The following COQ2 variants were observed in gnomAD, a reference collection of about 807,000 sequenced individuals.
COQ2 encodes the protein coenzyme Q2, polyprenyltransferase.
A neutral mutation model predicts 35.7 loss-of-function variants in COQ2; 25 were observed. The ratio of observed to expected loss-of-function variants is 0.70; its 90% confidence interval spans 0.51 to 0.98. The LOEUF is 0.98. COQ2 is among the 50% of genes least tolerant of loss of function. COQ2 has a pLI of 0.00. For missense variants in COQ2, 488 were observed against 473.5 expected, an observed-to-expected ratio of 1.03 and a Z score of -0.28; for synonymous variants, 206 against 186.2, an observed-to-expected ratio of 1.11 and a Z score of -0.86.
intron 1 of COQ2, chr4:83,283,977 A>C (rs1735388890): frequency 5.1e-6 from 5 of 985,468 alleles, no homozygotes; most frequent in Non-Finnish European, 4.8e-6. Context: ...TGCAGGTAAA[A>C]GAGCTCCGAC....
In COQ2 at chr4:83,284,634, T is replaced by C. The variant is rs1190778930; in HGVS notation, c.131A>G (p.Gln44Arg). Reference protein sequence around the residue: ...AAGAPHGGDLQPPACPEPRGR... With the variant: ...AAGAPHGGDLRPPACPEPRGR... ...GCGCGGCTCGGGACAGGCGGGGGGC[T>C]GCAAGTCACCACCGTGGGGCGCGCC... Residue 44 changes from glutamine (Q) to arginine (R), a missense_variant, in exon 1 of 7, where the codon CAG (glutamine) becomes CGG (arginine). Physicochemically the swap from Gln to Arg is conservative, Grantham distance 43. Transcript: ENST00000647002. 6.6e-7 allele frequency: 1 copy of C among 1,506,900 alleles called. No individual in the cohort carries two copies. The highest frequency in any genetic ancestry group is 1.3e-5 in the South Asian group (1 of 79,936). The allele number at this position is 1,506,900 out of a possible 1,614,324, so 93.3% of individuals were successfully genotyped here.
At chr4:83,275,294 T>C (rs1343376339) in intron 2 of COQ2, among the ~76,000 whole-genome samples, 1 of 152,220 alleles carries the variant, frequency 6.6e-6, no homozygotes, top group Non-Finnish European at 1.5e-5. Flanking sequence ...TTTATTTCAG[T>C]TGACTTTTTT....
Position 83,264,416 on chromosome 4 carries a change from A to C in COQ2, c.952-53T>G, listed in dbSNP as rs576284346. On this transcript the variant is annotated intron_variant, in intron 6 of 6. Coordinates refer to ENST00000647002, the MANE Select transcript of COQ2 (RefSeq NM_001358921.2). ...TAATACCTAGTCTGGACTTTGGGTC[A>C]TAACAAATAAACATGTTAACACGGA... is the stretch of plus-strand genomic sequence containing the variant. 4.3e-5 allele frequency: 65 copies of C among 1,518,564 alleles called. No individual in the cohort carries two copies. The African/African-American group carries it at 8.6e-4, about 20-fold the overall frequency. The allele number at this position is 1,518,564 out of a possible 1,614,324, so 94.1% of individuals were successfully genotyped here.
At chr4:83,279,860 C>CAT (rs1553916858) in intron 1 of COQ2, among the ~76,000 whole-genome samples, 2 of 130,184 alleles carry the variant, frequency 1.5e-5, no homozygotes, top group Non-Finnish European at 3.2e-5. Context: ...ACGGTCTAGT[C>CAT]TTTTTTTTTT....
At chr4:83,270,553 G>A (rs1458424840) in intron 4 of COQ2, among the ~76,000 whole-genome samples, 1 of 152,184 alleles carries the variant, frequency 6.6e-6, no homozygotes, top group Non-Finnish European at 1.5e-5. Context: ...ATACTGAACA[G>A]TCTGCTGGAC....
intron 2 of COQ2, among the ~76,000 whole-genome samples, chr4:83,274,318 C>T (rs1470699071): frequency 3.9e-5 from 6 of 152,050 alleles, no homozygotes; most frequent in Non-Finnish European, 7.4e-5. Flanking sequence ...CTCAGCCTCC[C>T]AAGTAGCTGG....
intron 1 of COQ2, among the ~76,000 whole-genome samples, chr4:83,282,859 T>C (rs1255316103): frequency 1.3e-5 from 2 of 152,348 alleles, no homozygotes; most frequent in African/African-American, 2.4e-5. Flanking sequence ...AACCCCTTTG[T>C]TGCCTTCTGT....
At chr4:83,266,754 G>A (rs1734928949) in intron 6 of COQ2, 1 of 159,960 alleles carries the variant, frequency 6.3e-6, no homozygotes, top group East Asian at 1.9e-4. Context: ...TTTCTGACAG[G>A]TAGGGGATGT....
chr4:83,274,868 T>C (rs1577987811), intron 2 of COQ2, among the ~76,000 whole-genome samples: 1 of 152,222 alleles, frequency 6.6e-6, no homozygotes, highest in East Asian at 1.9e-4. Context: ...ATTTTCTGTT[T>C]TCCAGATGGT....
At chr4:83,269,227 G>A (rs1233859344) in intron 5 of COQ2, among the ~76,000 whole-genome samples, 2 of 152,072 alleles carry the variant, frequency 1.3e-5, no homozygotes, top group African/African-American at 4.8e-5. Context: ...TAGAGAAACT[G>A]TGAATTTTTT....
chr4:83,277,277 C>T (rs1479395577), intron 2 of COQ2, among the ~76,000 whole-genome samples: 1 of 152,190 alleles, frequency 6.6e-6, no homozygotes, highest in Non-Finnish European at 1.5e-5. Flanking sequence ...CCATACAGCT[C>T]CTGCCACTCT....
intron 2 of COQ2, among the ~76,000 whole-genome samples, chr4:83,276,654 T>C (rs972919231): frequency 6.6e-6 from 1 of 152,134 alleles, no homozygotes; most frequent in Non-Finnish European, 1.5e-5. Context: ...TCTCAAGAAC[T>C]AAAAACAGAA....
chr4:83,282,709 T>A (rs1735353708), intron 1 of COQ2: 2 of 159,954 alleles, frequency 1.3e-5, no homozygotes, highest in Admixed American at 1.3e-4. Flanking sequence ...CCTCATAACG[T>A]CCATATTATC....
In COQ2 at chr4:83,278,921, C is replaced by T. The variant is rs2126175332; in HGVS notation, c.420+27G>A. The T allele has an allele frequency of 1.9e-6, 3 of 1,550,872 alleles. No homozygotes were observed. In the East Asian group the frequency reaches 7.1e-5, roughly 37 times the overall value. ...TATTCTGCAGAATTGAGAAGAGCCT[C>T]TCTATTCCTTTTCAGGATGAAATTA... On this transcript the variant is annotated intron_variant, in intron 2 of 6. Transcript: ENST00000647002.
At chr4:83,266,351 C>G (rs1361739995) in intron 6 of COQ2, among the ~76,000 whole-genome samples, 1 of 139,882 alleles carries the variant, frequency 7.1e-6, no homozygotes, top group Non-Finnish European at 1.5e-5. Flanking sequence ...TCATGAATAT[C>G]TTCTTTTTTT....
Position 83,272,106 on chromosome 4 carries a change from G to C in COQ2, c.609C>G (p.Tyr203Ter). Residue 203 changes from tyrosine (Y) to a stop codon, truncating the protein, a stop_gained, in exon 4 of 7, where the codon TAC (tyrosine) becomes TAG (stop). Transcript: ENST00000647002. LOFTEE classifies it high-confidence loss of function. ...ITYPLMKRISYWPQLALGLTF... is the reference protein window; with the variant it reads ...ITYPLMKRIS ...GCTCACCCAAGGCTAGTTGAGGCCA[G>C]TATGAAATTCTTTTCATTAGTGGGT... 2 of 1,608,322 alleles carry C rather than the reference G, an allele frequency of 1.2e-6. No individual in the cohort carries two copies. The highest frequency in any genetic ancestry group is 1.7e-6 in the Non-Finnish European group (2 of 1,176,666).
chr4:83,272,841 T>C (rs1307835065), intron 3 of COQ2, among the ~76,000 whole-genome samples: 1 of 152,212 alleles, frequency 6.6e-6, no homozygotes, highest in Non-Finnish European at 1.5e-5. Context: ...ACCTCAAAGT[T>C]TATCTAACAC....
chr4:83,272,265 G>T, intron 3 of COQ2, 93 bp from the exon 4 acceptor site: 3 of 594,296 alleles, frequency 5.0e-6, no homozygotes, highest in Non-Finnish European at 5.7e-6. Context: ...AATACTAATT[G>T]GAAAATATAT....
chr4:83,271,649 C>A (rs144577037), intron 4 of COQ2, among the ~76,000 whole-genome samples: 3 of 152,054 alleles, frequency 2.0e-5, no homozygotes, highest in African/African-American at 7.2e-5. Context: ...CCTGTCTCTA[C>A]AAGAAATACA....
Sources: allele counts gnomAD v4.1 joint callset (sites outside exome capture counted in the v4.1 genomes callset), GRCh38; gene constraint gnomAD v4.1.1; transcripts MANE v1.5; gene names NCBI Gene and HGNC (gene_info 2026-07-23, HGNC 2026-07-21).